The following JMJD8 variants were observed in gnomAD, a reference collection of about 807,000 sequenced individuals.
The protein encoded by JMJD8 is jumonji domain containing 8.
JMJD8 carries 56 observed loss-of-function variants against 37.6 expected under a neutral mutation model. The observed-to-expected ratio is 1.49, with a 90% CI of 1.20 to 1.86. The LOEUF is 1.86. Ranked by LOEUF, JMJD8 falls within the 40% of genes most tolerant of loss-of-function variation. The probability of loss-of-function intolerance (pLI) is 0.00; values close to 1 mark genes in which losing one functional copy is unlikely to be tolerated. For synonymous variants in JMJD8, 261 were observed against 163.7 expected, an observed-to-expected ratio of 1.59 and a Z score of -4.54; for missense variants, 542 against 362.7, an observed-to-expected ratio of 1.49 and a Z score of -4.01.
chr16:682,933 C>G lies in JMJD8; in HGVS notation c.714+20G>C, dbSNP rs559523877. 3.7e-6 allele frequency: 6 copies of G among 1,611,560 alleles called. No individual in the cohort carries two copies. The highest frequency in any genetic ancestry group is 3.3e-5 in the South Asian group (3 of 90,984). ...TGCGGGCCTCTAGCCTGGCCTGGCCCTCTCCTGCCAGCCACTGACCTCACC... is the reference window on the plus strand; with the variant it reads ...TGCGGGCCTCTAGCCTGGCCTGGCCGTCTCCTGCCAGCCACTGACCTCACC... On this transcript the variant is annotated intron_variant, in intron 8 of 8. Coordinates refer to ENST00000609261, the MANE Select transcript of JMJD8 (RefSeq NM_001005920.4).
In JMJD8 at chr16:684,293, C is replaced by A. The variant is rs1048773066; in HGVS notation, c.27G>T (p.Ala9=). The change falls in exon 1 of 9, where the codon GCG becomes GCT. Residue 9 remains alanine, a synonymous_variant. Coordinates refer to ENST00000609261, the MANE Select transcript of JMJD8 (RefSeq NM_001005920.4). MAPASRLL[A]LWALAAVALP... is the part of the protein sequence containing the mutation. The stretch of plus-strand genomic sequence containing the variant: ...GAGCCACAGCCGCCAGCGCCCAGAG[C>A]GCGAGCAACCGCGACGCCGGCGCCA... The A allele has an allele frequency of 1.4e-6, 2 of 1,475,678 alleles. No homozygotes were observed. Among genetic ancestry groups the A allele is most frequent in the Admixed American group, 2.4e-5 (1 of 42,116 alleles). 91.4% of individuals were successfully genotyped at this position (1,475,678 alleles called of 1,614,324 possible).
At position 683,808 on chromosome 16, in the gene JMJD8, GGCCGGGCCCA is replaced by G. The variant is rs778966425; in HGVS notation, c.226-37_226-28del. ...TGCGGGGGCGGGGAGGGGACTTAGT[GGCCGGGCCCA>G]GCACGGGCGAGAGTGGCCGGGGACG... On this transcript the variant is annotated intron_variant, in intron 3 of 8. Coordinates refer to ENST00000609261, the MANE Select transcript of JMJD8 (RefSeq NM_001005920.4). 1.9e-6 allele frequency: 3 copies of G among 1,590,608 alleles called. No individual in the cohort carries two copies. The East Asian group carries it at 6.9e-5, about 37-fold the overall frequency.
intron 2 of JMJD8, 29 bp from the exon 3 acceptor site, chr16:683,938 G>T: frequency 7.0e-6 from 11 of 1,562,550 alleles, no homozygotes; most frequent in Non-Finnish European, 9.5e-6. Context: ...TCGCGGCCAG[G>T]CCGGACCGCC....
At position 683,595 on chromosome 16, in the gene JMJD8, T is replaced by C. The variant is rs766120279; in HGVS notation, c.326A>G (p.Asp109Gly). 2.5e-5 allele frequency: 39 copies of C among 1,576,960 alleles called. No individual in the cohort carries two copies. The highest frequency in any genetic ancestry group is 1.7e-4 in the Middle Eastern group (1 of 6,052). The stretch of plus-strand genomic sequence containing the variant: ...CTCCACATACTCCTGGAAGGGCAAG[T>C]CCACTGCAGGAAAGAGACGGGTCAG... ...TANTYSYHKV[D>G]LPFQEYVEQL... Residue 109 changes from aspartate (D) to glycine (G), a missense_variant, in exon 5 of 9, where the codon GAC (aspartate) becomes GGC (glycine). By Grantham distance (94) the Asp-to-Gly change is moderately conservative. Coordinates refer to ENST00000609261, the MANE Select transcript of JMJD8 (RefSeq NM_001005920.4).
intron 3 of JMJD8, 38 bp from the exon 4 acceptor site, chr16:683,819 G>C (rs2039806323): frequency 6.3e-7 from 1 of 1,586,646 alleles, no homozygotes; most frequent in Non-Finnish European, 8.6e-7. Flanking sequence ...GCCGGGCCCA[G>C]CACGGGCGAG....
chr16:683,576 A>G lies in JMJD8; in HGVS notation c.345T>C (p.Tyr115=), dbSNP rs577113112. The G allele has an allele frequency of 6.8e-5, 108 of 1,576,808 alleles. 2 individuals carry two copies. The South Asian group carries it at 1.2e-3, about 18-fold the overall frequency. Residue 115 remains tyrosine (Y), a synonymous_variant, in exon 5 of 9, where the codon TAT becomes TAC. Coordinates refer to ENST00000609261, the MANE Select transcript of JMJD8 (RefSeq NM_001005920.4). The part of the protein sequence containing the change: ...YHKVDLPFQE[Y]VEQLLHPQDP... ...CCTGGGGGTGCAGCAGCTGCTCCAC[A>G]TACTCCTGGAAGGGCAAGTCCACTG... is the stretch of plus-strand genomic sequence containing the variant.
chr16:682,934 TCTC>T lies in JMJD8; in HGVS notation c.714+16_714+18del. The T allele has an allele frequency of 6.2e-7, 1 of 1,611,384 alleles. No individual in the cohort carries two copies. Among genetic ancestry groups the T allele is most frequent in the Non-Finnish European group, 8.5e-7 (1 of 1,178,790 alleles). ...GCGGGCCTCTAGCCTGGCCTGGCCC[TCTC>T]CTGCCAGCCACTGACCTCACCAGCC... On this transcript the variant is annotated intron_variant, in intron 8 of 8. Coordinates refer to ENST00000609261, the MANE Select transcript of JMJD8 (RefSeq NM_001005920.4).
In JMJD8 at chr16:682,185, C is replaced by G. The variant is rs1185371126; in HGVS notation, c.*609G>C. The G allele has an allele frequency of 6.2e-7, 1 of 1,609,584 alleles. No homozygotes were observed. Among genetic ancestry groups the G allele is most frequent in the Non-Finnish European group, 8.5e-7 (1 of 1,176,734 alleles). ...CACAGAAGCGAGACATCCCCGACTA[C>G]CTGTGTGGCAAGATCAGCTTTGAGC... On this transcript the variant is annotated 3_prime_UTR_variant, in exon 9 of 9. Transcript: ENST00000609261.
Position 682,403 on chromosome 16 carries a change from AC to A in JMJD8, c.*390del. 1 of 1,613,306 alleles carries A rather than the reference AC, an allele frequency of 6.2e-7. No individual in the cohort carries two copies. The highest frequency in any genetic ancestry group is 8.5e-7 in the Non-Finnish European group (1 of 1,179,994). ...TGACCCCGTGACCCGGAGCCCCCTG[AC>A]CCAGGAACAGCTCATCCCCAACTTG... is the stretch of plus-strand genomic sequence containing the variant. On this transcript the variant is annotated 3_prime_UTR_variant, in exon 9 of 9. Coordinates refer to ENST00000609261, the MANE Select transcript of JMJD8 (RefSeq NM_001005920.4).
intron 1 of JMJD8, 39 bp from the exon 2 acceptor site, chr16:684,194 G>C: frequency 2.3e-6 from 3 of 1,304,760 alleles, no homozygotes; most frequent in Non-Finnish European, 2.9e-6. Context: ...CCCGCCCGCC[G>C]CACGTGACCC....
chr16:681,996 A>G lies in JMJD8; in HGVS notation c.*798T>C. 1 of 1,611,946 alleles carries G rather than the reference A, an allele frequency of 6.2e-7. No homozygotes were observed. The stretch of plus-strand genomic sequence containing the variant: ...GGAGGGAGGTGGGGTGTCTCCCCCA[A>G]GCACAGCACTCAACTCTTCACAGGA... On this transcript the variant is annotated 3_prime_UTR_variant, in exon 9 of 9. Coordinates refer to ENST00000609261, the MANE Select transcript of JMJD8 (RefSeq NM_001005920.4).
rs768408666 is a variant in JMJD8, at chr16:681,778, C to T, written c.*1016G>A. On this transcript the variant is annotated 3_prime_UTR_variant, in exon 9 of 9. Transcript: ENST00000609261. The stretch of plus-strand genomic sequence containing the variant: ...GGCCAGGTCCATCTCTGACCGGCTC[C>T]TGGTCAACCCCCAGGGAGCTGGAAG... The T allele has an allele frequency of 1.3e-6, 2 of 1,584,690 alleles. No individual in the cohort carries two copies. The highest frequency in any genetic ancestry group is 1.1e-5 in the South Asian group (1 of 88,248).
Position 683,515 on chromosome 16 carries a change from C to G in JMJD8, c.391+15G>C, listed in dbSNP as rs11863733. The stretch of plus-strand genomic sequence containing the variant: ...AAGCGTCCCCACCCCCTACCGCCGC[C>G]TAGGGCTGCCTCACCATTGCCCAGG... On this transcript the variant is annotated intron_variant, in intron 5 of 8. Coordinates refer to ENST00000609261, the MANE Select transcript of JMJD8 (RefSeq NM_001005920.4). The G allele has an allele frequency of 6.0e-3, 9,261 of 1,548,318 alleles. 142 individuals carry two copies. The highest frequency in any genetic ancestry group is 0.057 in the African/African-American group (4,212 of 73,282).
In JMJD8 at chr16:682,110, A is replaced by T. The variant is rs1162785748; in HGVS notation, c.*684T>A. On this transcript the variant is annotated 3_prime_UTR_variant, in exon 9 of 9. Coordinates refer to ENST00000609261, the MANE Select transcript of JMJD8 (RefSeq NM_001005920.4). ...GTGTCGCTTGCTGCCGATGGCTGGC[A>T]GGTGCTCGTGCAGTGCCCCTTTTCA... 1 of 1,583,524 alleles carries T rather than the reference A, an allele frequency of 6.3e-7. No homozygotes were observed. The highest frequency in any genetic ancestry group is 8.6e-7 in the Non-Finnish European group (1 of 1,158,226).
chr16:682,403 A>T lies in JMJD8; in HGVS notation c.*391T>A. 3 of 1,613,306 alleles carry T rather than the reference A, an allele frequency of 1.9e-6. No homozygotes were observed. Among genetic ancestry groups the T allele is most frequent in the Non-Finnish European group, 2.5e-6 (3 of 1,179,994 alleles). On this transcript the variant is annotated 3_prime_UTR_variant, in exon 9 of 9. Coordinates refer to ENST00000609261, the MANE Select transcript of JMJD8 (RefSeq NM_001005920.4). ...TGACCCCGTGACCCGGAGCCCCCTGACCCAGGAACAGCTCATCCCCAACTT... is the reference window on the plus strand; with the variant it reads ...TGACCCCGTGACCCGGAGCCCCCTGTCCCAGGAACAGCTCATCCCCAACTT...
chr16:682,152 C>G lies in JMJD8; in HGVS notation c.*642G>C. On this transcript the variant is annotated 3_prime_UTR_variant, in exon 9 of 9. Transcript: ENST00000609261. ...CCCTTTTCAGCCTCTGACCGTGTGCCCCTGTGCCACAGAAGCGAGACATCC... is the reference window on the plus strand; with the variant it reads ...CCCTTTTCAGCCTCTGACCGTGTGCGCCTGTGCCACAGAAGCGAGACATCC... 1 of 1,600,610 alleles carries G rather than the reference C, an allele frequency of 6.2e-7. No individual in the cohort carries two copies.
chr16:682,179 C>A lies in JMJD8; in HGVS notation c.*615G>T, dbSNP rs756496385. 6.2e-7 allele frequency: 1 copy of A among 1,608,532 alleles called. No homozygotes were observed. The highest frequency in any genetic ancestry group is 1.3e-5 in the African/African-American group (1 of 74,978). On this transcript the variant is annotated 3_prime_UTR_variant, in exon 9 of 9. Transcript: ENST00000609261. ...CTGTGCCACAGAAGCGAGACATCCC[C>A]GACTACCTGTGTGGCAAGATCAGCT...
Position 682,441 on chromosome 16 carries a change from G to C in JMJD8, c.*353C>G. The C allele has an allele frequency of 1.9e-6, 3 of 1,613,472 alleles. No homozygotes were observed. Among genetic ancestry groups the C allele is most frequent in the South Asian group, 1.1e-5 (1 of 91,082 alleles). On this transcript the variant is annotated 3_prime_UTR_variant, in exon 9 of 9. Transcript: ENST00000609261. ...TCATCCCCAACTTGGCTATGAAGGA[G>C]GTTATTGACGCATTCATCTCTGAGA...
rs756000277 is a variant in JMJD8 at position 683,185 on chromosome 16, T to C, written c.561A>G (p.Glu187=). The C allele has an allele frequency of 1.4e-5, 23 of 1,613,174 alleles. No individual in the cohort carries two copies. The highest frequency in any genetic ancestry group is 2.7e-5 in the African/African-American group (2 of 74,892). ...TGCTGACCTTACGACCGTAGATCAC[T>C]TCTGAGTACCCGGGTCCATGCCAGT... is the stretch of plus-strand genomic sequence containing the variant. ...PFHWHGPGYS[E]VIYGRKRWFL... Residue 187 remains glutamate, a synonymous_variant, in exon 7 of 9, where the codon GAA becomes GAG. Transcript: ENST00000609261.
Sources: allele counts gnomAD v4.1 joint callset, GRCh38; gene constraint gnomAD v4.1.1; transcripts MANE v1.5; gene names NCBI Gene and HGNC (gene_info 2026-07-23, HGNC 2026-07-21).